DGCR2: variants seen among roughly 807,000 people sequenced by gnomAD.
The protein encoded by DGCR2 is DiGeorge syndrome critical region gene 2.
A neutral mutation model predicts 51.6 loss-of-function variants in DGCR2; 24 were observed. The ratio of observed to expected loss-of-function variants is 0.47; its 90% CI spans 0.34 to 0.65. DGCR2 has a LOEUF of 0.65. DGCR2 is among the 30% of genes least tolerant of loss of function. DGCR2 has a pLI of 0.01. For missense variants in DGCR2, 765 were observed against 772.1 expected (o/e 0.99, Z 0.11); for synonymous variants, 340 against 315.4 (o/e 1.08, Z -0.82).
chr22:19,046,717 G>A (rs777754267), intron 7 of DGCR2: 17 of 430,348 alleles, frequency 4.0e-5, no homozygotes, highest in South Asian at 2.1e-4. Context: ...TGGAAGCATG[G>A]CCACAGGGCA....
At chr22:19,055,298 A>C (rs1418864824) in intron 6 of DGCR2, among the ~76,000 whole-genome samples, 1 of 152,214 alleles carries the variant, frequency 6.6e-6, no homozygotes, top group Non-Finnish European at 1.5e-5. Context: ...AAAAGCATTT[A>C]ATAAAAATCA....
chr22:19,113,433 G>A (rs960103973), intron 1 of DGCR2, among the ~76,000 whole-genome samples: 2 of 151,880 alleles, frequency 1.3e-5, no homozygotes, highest in South Asian at 2.1e-4. Context: ...ACACATGCAC[G>A]TATGCACACA....
chr22:19,086,041 A>T (rs2146006559), intron 2 of DGCR2, among the ~76,000 whole-genome samples: 1 of 152,308 alleles, frequency 6.6e-6, no homozygotes, highest in Non-Finnish European at 1.5e-5. Context: ...TTTTTTAAAA[A>T]TTTCTTTTAA....
intron 5 of DGCR2, among the ~76,000 whole-genome samples, chr22:19,060,171 C>G (rs1461850862): frequency 2.0e-5 from 3 of 152,234 alleles, no homozygotes; most frequent in African/African-American, 4.8e-5. Flanking sequence ...TACAATGCAC[C>G]TTCCAGTGGC....
At chr22:19,102,558 C>T (rs985188814) in intron 1 of DGCR2, among the ~76,000 whole-genome samples, 20 of 152,120 alleles carry the variant, frequency 1.3e-4, no homozygotes, top group African/African-American at 4.3e-4. Flanking sequence ...AAAAATTAGC[C>T]GGGCATGGTG....
chr22:19,041,980 T>C (rs1178893706), intron 7 of DGCR2, 21 bp from the exon 8 acceptor site: 1 of 1,607,414 alleles, frequency 6.2e-7, no homozygotes, highest in African/African-American at 1.3e-5. Context: ...GGGGAGGAAA[T>C]GGCCGCTCTG....
intron 2 of DGCR2, among the ~76,000 whole-genome samples, chr22:19,068,784 G>A (rs73386929): frequency 0.015 from 2,255 of 152,380 alleles, 27 homozygotes; most frequent in African/African-American, 0.017. Context: ...GCTCTTTGGT[G>A]CTTGGCACAG....
At chr22:19,118,538 C>T (rs1413877493) in intron 1 of DGCR2, among the ~76,000 whole-genome samples, 9 of 152,176 alleles carry the variant, frequency 5.9e-5, no homozygotes, top group East Asian at 5.8e-4. Context: ...TCTGAACCCA[C>T]GCTCTGCTGC....
intron 8 of DGCR2, 81 bp from the exon 9 acceptor site, chr22:19,041,375 A>G: frequency 1.4e-6 from 2 of 1,425,782 alleles, no homozygotes; most frequent in Non-Finnish European, 1.9e-6. Context: ...CCCCACCCCC[A>G]GGCTGGGCCT....
rs147957645 is a variant in DGCR2 at position 19,114,772 on chromosome 22, T to G, written c.79+7356A>C. On this transcript the variant is annotated intron_variant, in intron 1 of 9. Coordinates refer to ENST00000263196, the MANE Select transcript of DGCR2 (RefSeq NM_005137.3). ...AATCCTCTCCACAACTATGAACTCCTAAGGAAGGTTTCCCAGAAAATGAGA... is the reference window on the plus strand; with the variant it reads ...AATCCTCTCCACAACTATGAACTCCGAAGGAAGGTTTCCCAGAAAATGAGA... 2.0e-3 allele frequency among the ~76,000 whole-genome samples: 300 copies of G among 152,200 alleles called. 4 individuals carry two copies. Among genetic ancestry groups the G allele is most frequent in the Admixed American group, 0.016 (243 of 15,286 alleles).
chr22:19,082,885 T>TAA (rs1377660450), intron 2 of DGCR2, among the ~76,000 whole-genome samples: 3 of 152,132 alleles, frequency 2.0e-5, no homozygotes, highest in Admixed American at 2.0e-4. Context: ...ACTCGTGAGT[T>TAA]AGAGACCAGC....
chr22:19,048,107 GGCTTAAAC>G, intron 7 of DGCR2: 1 of 365,152 alleles, frequency 2.7e-6, no homozygotes, highest in Non-Finnish European at 5.2e-6. Context: ...GCAGGAGAAC[GGCTTAAAC>G]CCTGGAGGCG....
intron 2 of DGCR2, among the ~76,000 whole-genome samples, chr22:19,070,476 G>C (rs1030784743): frequency 6.6e-6 from 1 of 152,182 alleles, no homozygotes; most frequent in Non-Finnish European, 1.5e-5. Flanking sequence ...CCCAAGCCAA[G>C]CACAGTACCT....
chr22:19,039,792 A>T (rs1192923726), intron 9 of DGCR2, among the ~76,000 whole-genome samples: 1 of 152,132 alleles, frequency 6.6e-6, no homozygotes. Context: ...ATGGCTCATG[A>T]CAGCCTTGAA....
intron 1 of DGCR2, among the ~76,000 whole-genome samples, chr22:19,119,190 G>A (rs2083405025): frequency 6.6e-6 from 1 of 152,204 alleles, no homozygotes; most frequent in Non-Finnish European, 1.5e-5. Context: ...AGGTACTCCT[G>A]TGGCTGGGCT....
At chr22:19,039,196 C>A in intron 9 of DGCR2, 75 bp from the exon 10 acceptor site, 1 of 1,567,882 alleles carries the variant, frequency 6.4e-7, no homozygotes, top group Non-Finnish European at 8.7e-7. Context: ...CTAGGCAAAA[C>A]CAGGAGACAC....
At chr22:19,111,239 C>T (rs1433629308) in intron 1 of DGCR2, among the ~76,000 whole-genome samples, 1 of 152,166 alleles carries the variant, frequency 6.6e-6, no homozygotes, top group African/African-American at 2.4e-5. Flanking sequence ...AATTGATCAC[C>T]CAAGCCCAAA....
At chr22:19,072,506 C>T (rs1319300484) in intron 2 of DGCR2, among the ~76,000 whole-genome samples, 1 of 152,162 alleles carries the variant, frequency 6.6e-6, no homozygotes, top group Non-Finnish European at 1.5e-5. Context: ...AAAGTTAAAA[C>T]CAAAAACAGG....
intron 1 of DGCR2, among the ~76,000 whole-genome samples, chr22:19,105,282 C>A (rs1030074664): frequency 6.6e-6 from 1 of 152,112 alleles, no homozygotes; most frequent in Non-Finnish European, 1.5e-5. Context: ...CAAGATCATA[C>A]AACTGCACTC....
Sources: allele counts gnomAD v4.1 joint callset (sites outside exome capture counted in the v4.1 genomes callset), GRCh38; gene constraint gnomAD v4.1.1; transcripts MANE v1.5; gene names NCBI Gene and HGNC (gene_info 2026-07-23, HGNC 2026-07-21).